The following KIF16B variants were observed in gnomAD, a reference collection of about 807,000 sequenced individuals.
The protein encoded by KIF16B is kinesin-like protein KIF16B.
Under a neutral mutation model 156.3 loss-of-function variants are expected in KIF16B, and 98 were observed. That is an observed-to-expected ratio of 0.63 (90% CI 0.53 to 0.74). The LOEUF is 0.74. Among genes scored for constraint, KIF16B ranks in the 30% least tolerant of loss-of-function variants. The pLI is 0.00. For synonymous variants in KIF16B, 564 were observed against 583.7 expected, an observed-to-expected ratio of 0.97 and a Z score of 0.49; for missense variants, 1,421 against 1,606.5, an observed-to-expected ratio of 0.88 and a Z score of 1.97.
chr20:16,393,224 A>G (rs1003692179), intron 17 of KIF16B, among the ~76,000 whole-genome samples: 1 of 152,238 alleles, frequency 6.6e-6, no homozygotes, highest in Non-Finnish European at 1.5e-5. Context: ...TTCTTGGTGA[A>G]AAGATTATGA....
intron 15 of KIF16B, among the ~76,000 whole-genome samples, chr20:16,414,478 A>G (rs534779505): frequency 6.6e-6 from 1 of 152,032 alleles, no homozygotes; most frequent in African/African-American, 2.4e-5. Flanking sequence ...TCAAATATGG[A>G]TTTACAATTT....
At chr20:16,485,650 A>G (rs2068093345) in intron 12 of KIF16B, among the ~76,000 whole-genome samples, 1 of 152,242 alleles carries the variant, frequency 6.6e-6, no homozygotes, top group South Asian at 2.1e-4. Flanking sequence ...TTCTGCAGTA[A>G]TGTACAGCCA....
chr20:16,497,666 C>T lies in KIF16B; in HGVS notation c.1189G>A (p.Asp397Asn). 6.2e-7 allele frequency: 1 copy of T among 1,608,996 alleles called. No individual in the cohort carries two copies. The highest frequency in any genetic ancestry group is 1.1e-5 in the South Asian group (1 of 90,900). Residue 397 changes from aspartate (D) to asparagine (N), a missense_variant, in exon 11 of 26, where the codon GAC (aspartate) becomes AAC (asparagine). Coordinates refer to ENST00000354981, the MANE Select transcript of KIF16B (RefSeq NM_024704.5). Reference sequence around the variant, plus strand: ...TCCATACTTAAAGCTGTGGGGGAGTCTAAGAGGGCAATCTACAATATAAAC... The same window carrying T: ...TCCATACTTAAAGCTGTGGGGGAGTTTAAGAGGGCAATCTACAATATAAAC... ...LAQGNQIALL[D>N]SPTALSMEEK...
At chr20:16,416,894 C>A (rs1382079372) in intron 15 of KIF16B, among the ~76,000 whole-genome samples, 1 of 152,000 alleles carries the variant, frequency 6.6e-6, no homozygotes, top group Non-Finnish European at 1.5e-5. Context: ...GAGAAGCCCC[C>A]TAGTTCAGGT....
chr20:16,508,467 A>G (rs2068855337), intron 6 of KIF16B, among the ~76,000 whole-genome samples: 1 of 152,186 alleles, frequency 6.6e-6, no homozygotes. Context: ...GGTAGGGGGA[A>G]CAGATTCGGG....
At chr20:16,288,356 A>G (rs1315326275) in intron 25 of KIF16B, among the ~76,000 whole-genome samples, 1 of 152,240 alleles carries the variant, frequency 6.6e-6, no homozygotes, top group Non-Finnish European at 1.5e-5. Context: ...ACAGGGTCCA[A>G]TTTAGAGAAC....
At chr20:16,453,522 G>C (rs377690254) in intron 12 of KIF16B, among the ~76,000 whole-genome samples, 7 of 151,820 alleles carry the variant, frequency 4.6e-5, no homozygotes, top group African/African-American at 1.7e-4. Context: ...AAAATGGATA[G>C]ACAAATAAAA....
At position 16,352,198 on chromosome 20, in the gene KIF16B, C is replaced by T. The variant is rs577270748; in HGVS notation, c.3621+4132G>A. ...AGTCCTGACCAGAGGGCTAGTTACA[C>T]GGGTGTATACATATGTCAACACTCA... On this transcript the variant is annotated intron_variant, in intron 23 of 25. Transcript: ENST00000354981. 1.5e-3 allele frequency among the ~76,000 whole-genome samples: 234 copies of T among 152,300 alleles called. 1 individual carries two copies. The highest frequency in any genetic ancestry group is 2.8e-3 in the Non-Finnish European group (190 of 68,028).
intron 12 of KIF16B, among the ~76,000 whole-genome samples, chr20:16,488,041 T>A (rs1479471777): frequency 6.6e-6 from 1 of 152,230 alleles, no homozygotes; most frequent in Non-Finnish European, 1.5e-5. Context: ...GAGCGCCTGC[T>A]TCTCCTCTCC....
At chr20:16,448,583 C>T (rs375698510) in intron 12 of KIF16B, among the ~76,000 whole-genome samples, 9 of 152,082 alleles carry the variant, frequency 5.9e-5, no homozygotes, top group African/African-American at 1.9e-4. Flanking sequence ...AGCAAACAAC[C>T]ATCAAAAGCA....
At chr20:16,499,644 T>C (rs2068558390) in intron 10 of KIF16B, among the ~76,000 whole-genome samples, 1 of 152,216 alleles carries the variant, frequency 6.6e-6, no homozygotes, top group South Asian at 2.1e-4. Context: ...TAGAAAGCCC[T>C]TTATAACGTG....
At chr20:16,290,603 G>C (rs1257414977) in intron 25 of KIF16B, among the ~76,000 whole-genome samples, 1 of 152,190 alleles carries the variant, frequency 6.6e-6, no homozygotes, top group Non-Finnish European at 1.5e-5. Flanking sequence ...TTGCCTTGGA[G>C]ATTACCCTCC....
chr20:16,347,936 G>C (rs986343423), intron 23 of KIF16B, among the ~76,000 whole-genome samples: 1 of 152,138 alleles, frequency 6.6e-6, no homozygotes, highest in Non-Finnish European at 1.5e-5. Flanking sequence ...GACTGGAATG[G>C]CTCTTATTTC....
At chr20:16,467,130 T>C (rs992803810) in intron 12 of KIF16B, among the ~76,000 whole-genome samples, 1 of 152,206 alleles carries the variant, frequency 6.6e-6, no homozygotes. Flanking sequence ...CCAACCTACC[T>C]GGGGTAAAGA....
intron 3 of KIF16B, among the ~76,000 whole-genome samples, chr20:16,524,297 G>C (rs2069455322): frequency 6.6e-6 from 1 of 151,954 alleles, no homozygotes; most frequent in South Asian, 2.1e-4. Flanking sequence ...CTAATATCCA[G>C]AATCTACAAG....
At chr20:16,280,790 A>G (rs2122321846) in intron 25 of KIF16B, among the ~76,000 whole-genome samples, 1 of 152,132 alleles carries the variant, frequency 6.6e-6, no homozygotes, top group Admixed American at 6.5e-5. Flanking sequence ...TACTATGCAC[A>G]TGCAGCCTCC....
chr20:16,280,323 G>C (rs1481246666), intron 25 of KIF16B, among the ~76,000 whole-genome samples: 1 of 152,138 alleles, frequency 6.6e-6, no homozygotes, highest in Non-Finnish European at 1.5e-5. Flanking sequence ...TTCCCTTTTA[G>C]GTCTGTGACC....
chr20:16,446,620 A>T (rs1265319676), intron 12 of KIF16B, among the ~76,000 whole-genome samples: 1 of 152,224 alleles, frequency 6.6e-6, no homozygotes, highest in African/African-American at 2.4e-5. Context: ...TCCTTAAAAC[A>T]GACTAGATCT....
chr20:16,299,937 C>CAA (rs1271259189), intron 25 of KIF16B, among the ~76,000 whole-genome samples: 1 of 152,118 alleles, frequency 6.6e-6, no homozygotes, highest in Non-Finnish European at 1.5e-5. Flanking sequence ...AATAATACTA[C>CAA]AAGATAGAAG....
Sources: gnomAD v4.1 joint callset for allele counts (sites outside exome capture counted in the v4.1 genomes callset) on GRCh38, gnomAD v4.1.1 for gene constraint, MANE v1.5 for transcripts, NCBI Gene and HGNC (gene_info 2026-07-23, HGNC 2026-07-21) for gene names.